BABAM2: variants seen among roughly 807,000 people sequenced by gnomAD.
BABAM2 encodes the protein BRISC and BRCA1 A complex member 2, also known as BRISC and BRCA1-A complex member 2.
Under a neutral mutation model 54.7 loss-of-function variants are expected in BABAM2, and 31 were observed. The ratio of observed to expected loss-of-function variants is 0.57; its 90% CI spans 0.43 to 0.77. The LOEUF (loss-of-function observed/expected upper bound fraction) is 0.77. BABAM2 is among the 30% of genes least tolerant of loss of function. The pLI is 0.00. For missense variants in BABAM2, 364 were observed against 455.8 expected, an observed-to-expected ratio of 0.80 and a Z score of 1.83; for synonymous variants, 167 against 162.9, an observed-to-expected ratio of 1.03 and a Z score of -0.19.
chr2:28,266,619 G>A (rs907546569), intron 10 of BABAM2, among the ~76,000 whole-genome samples: 2 of 152,172 alleles, frequency 1.3e-5, no homozygotes, highest in Admixed American at 1.3e-4. Flanking sequence ...AAGTTGGTAG[G>A]ACAGGTATTG....
intron 7 of BABAM2, among the ~76,000 whole-genome samples, chr2:28,157,369 G>C (rs1453542767): frequency 6.6e-6 from 1 of 152,160 alleles, no homozygotes; most frequent in South Asian, 2.1e-4. Flanking sequence ...TTAAAATGCA[G>C]TCAGCCATTT....
Position 28,005,637 on chromosome 2 carries a change from T to C in BABAM2, c.300+17550T>C, listed in dbSNP as rs180754878. ...TAGCTTCATGTCATGGCTATAAATTTGTAAGTAGCCATTTTAGAAATCCAA... is the reference window on the plus strand; with the variant it reads ...TAGCTTCATGTCATGGCTATAAATTCGTAAGTAGCCATTTTAGAAATCCAA... On this transcript the variant is annotated intron_variant, in intron 4 of 11. Transcript: ENST00000379624. Among the ~76,000 whole-genome samples, 3 of 152,314 alleles carry C rather than the reference T, an allele frequency of 2.0e-5. No homozygotes were observed. In the East Asian group the frequency reaches 5.8e-4, roughly 29 times the overall value.
chr2:28,250,845 C>T (rs372232725), intron 10 of BABAM2, among the ~76,000 whole-genome samples: 75 of 152,234 alleles, frequency 4.9e-4, no homozygotes, highest in African/African-American at 1.7e-3. Flanking sequence ...GTGATCTACC[C>T]GCCATGGCTT....
At chr2:27,941,999 T>C (rs1459671241) in intron 3 of BABAM2, among the ~76,000 whole-genome samples, 1 of 152,212 alleles carries the variant, frequency 6.6e-6, no homozygotes, top group East Asian at 1.9e-4. Context: ...TCATTTTTGA[T>C]CTATGTCTCC....
intron 7 of BABAM2, among the ~76,000 whole-genome samples, chr2:28,221,925 A>G (rs914988500): frequency 1.3e-5 from 2 of 152,204 alleles, no homozygotes; most frequent in Admixed American, 6.5e-5. Context: ...GCCTTGCTCC[A>G]GAGTGACCCT....
intron 2 of BABAM2, among the ~76,000 whole-genome samples, chr2:27,897,962 CT>C (rs1231325861): frequency 1.3e-5 from 2 of 152,160 alleles, no homozygotes; most frequent in East Asian, 3.8e-4. Flanking sequence ...GAGTGATGTA[CT>C]TCCTTTACTG....
chr2:28,078,974 A>T (rs1443532455), intron 6 of BABAM2, among the ~76,000 whole-genome samples: 1 of 152,206 alleles, frequency 6.6e-6, no homozygotes, highest in East Asian at 1.9e-4. Context: ...ACAGTTAATC[A>T]TATTTCCAGC....
At chr2:28,311,091 C>G (rs1336858107) in intron 11 of BABAM2, among the ~76,000 whole-genome samples, 4 of 151,958 alleles carry the variant, frequency 2.6e-5, no homozygotes, top group Non-Finnish European at 5.9e-5. Context: ...GAAACCCTGC[C>G]TCTACTAAAA....
intron 6 of BABAM2, among the ~76,000 whole-genome samples, chr2:28,114,115 A>G (rs1464797745): frequency 6.6e-6 from 1 of 152,250 alleles, no homozygotes; most frequent in Non-Finnish European, 1.5e-5. Context: ...CTAGCACAAG[A>G]CAAGGATGTA....
At chr2:28,047,271 G>A (rs1414284447) in intron 6 of BABAM2, among the ~76,000 whole-genome samples, 3 of 152,036 alleles carry the variant, frequency 2.0e-5, no homozygotes, top group Non-Finnish European at 2.9e-5. Flanking sequence ...TTTGATTTTG[G>A]CAATTACTAT....
chr2:28,071,826 T>C (rs1224693302), intron 6 of BABAM2, among the ~76,000 whole-genome samples: 1 of 152,216 alleles, frequency 6.6e-6, no homozygotes, highest in Middle Eastern at 3.2e-3. Flanking sequence ...TATTTGGGTT[T>C]CAACTTACTG....
At chr2:28,235,051 G>C (rs1402809651) in intron 7 of BABAM2, among the ~76,000 whole-genome samples, 2 of 152,178 alleles carry the variant, frequency 1.3e-5, no homozygotes, top group African/African-American at 4.8e-5. Flanking sequence ...TCAGAGTTGT[G>C]CTTTTAGGTA....
At chr2:28,297,087 T>G (rs1687760086) in intron 10 of BABAM2, among the ~76,000 whole-genome samples, 1 of 152,212 alleles carries the variant, frequency 6.6e-6, no homozygotes, top group Non-Finnish European at 1.5e-5. Flanking sequence ...TCCTAAATTG[T>G]GACATAGTGA....
At chr2:28,212,040 G>C (rs1679514609) in intron 7 of BABAM2, among the ~76,000 whole-genome samples, 1 of 151,902 alleles carries the variant, frequency 6.6e-6, no homozygotes, top group Non-Finnish European at 1.5e-5. Flanking sequence ...TTTCTTCCCT[G>C]TAAAATTGAC....
At chr2:28,224,297 G>T (rs934722563) in intron 7 of BABAM2, among the ~76,000 whole-genome samples, 1 of 152,110 alleles carries the variant, frequency 6.6e-6, no homozygotes, top group Non-Finnish European at 1.5e-5. Context: ...TGGAATTGTG[G>T]CACCTTATTG....
intron 6 of BABAM2, among the ~76,000 whole-genome samples, chr2:28,122,631 T>C (rs144244630): frequency 5.0e-4 from 76 of 152,332 alleles, no homozygotes; most frequent in African/African-American, 1.8e-3. Context: ...AATTAGTTAA[T>C]TGGTAGTTTG....
chr2:27,982,882 C>T lies in BABAM2; in HGVS notation c.206-5111C>T, dbSNP rs192392291. Among the ~76,000 whole-genome samples the T allele has an allele frequency of 8.2e-3, 1,202 of 146,410 alleles. 17 individuals carry two copies. Among genetic ancestry groups the T allele is most frequent in the African/African-American group, 0.027 (1,096 of 40,534 alleles). ...ACACACACACACACACACACACACACATATATGTCACATTTGGTTTATCCA... is the reference window on the plus strand; with the variant it reads ...ACACACACACACACACACACACACATATATATGTCACATTTGGTTTATCCA... On this transcript the variant is annotated intron_variant, in intron 3 of 11. Transcript: ENST00000379624.
intron 2 of BABAM2, among the ~76,000 whole-genome samples, chr2:27,905,268 T>C (rs1381769347): frequency 1.3e-5 from 2 of 152,012 alleles, no homozygotes; most frequent in African/African-American, 4.8e-5. Context: ...TCAGATTGGA[T>C]AGGGGTTGGA....
intron 7 of BABAM2, among the ~76,000 whole-genome samples, chr2:28,193,475 G>T (rs532147767): frequency 2.0e-5 from 3 of 152,222 alleles, no homozygotes; most frequent in Admixed American, 1.3e-4. Flanking sequence ...GTTTCCTCAT[G>T]TGTAAAATGA....
Sources: allele counts gnomAD v4.1 joint callset (sites outside exome capture counted in the v4.1 genomes callset), GRCh38; gene constraint gnomAD v4.1.1; transcripts MANE v1.5; gene names NCBI Gene and HGNC (gene_info 2026-07-23, HGNC 2026-07-21).